Variants in STPG2 observed in about 807,000 individuals in gnomAD.
STPG2 encodes sperm tail PG-rich repeat containing 2.
In STPG2, 56 loss-of-function variants were observed where a neutral mutation model predicts 54.2. The ratio of observed to expected loss-of-function variants is 1.03; its 90% confidence interval spans 0.83 to 1.29. The LOEUF is 1.29. Among genes scored for constraint, STPG2 ranks in the 50% most tolerant of loss-of-function variants. The pLI is 0.00. For missense variants in STPG2, 596 were observed against 544.9 expected (o/e 1.09, Z -0.93); for synonymous variants, 200 against 181.8 (o/e 1.10, Z -0.81).
intron 5 of STPG2, among the ~76,000 whole-genome samples, chr4:98,058,273 A>G (rs1276395027): frequency 1.3e-5 from 2 of 152,328 alleles, no homozygotes; most frequent in East Asian, 3.9e-4. Context: ...GGCAAGCTAA[A>G]TAAAAAAGCA....
At chr4:97,642,338 AAT>A (rs1232076668) in intron 10 of STPG2, among the ~76,000 whole-genome samples, 3 of 151,520 alleles carry the variant, frequency 2.0e-5, no homozygotes, top group African/African-American at 7.2e-5. Flanking sequence ...AAAATATACT[AAT>A]ATTTTTAGTA....
chr4:97,829,895 TGTTA>T (rs1728395164), intron 9 of STPG2, among the ~76,000 whole-genome samples: 1 of 152,170 alleles, frequency 6.6e-6, no homozygotes, highest in Admixed American at 6.5e-5. Flanking sequence ...AATCTACGTT[TGTTA>T]GGTGTACCTG....
At chr4:97,842,240 C>T (rs1378978388) in intron 8 of STPG2, among the ~76,000 whole-genome samples, 1 of 151,774 alleles carries the variant, frequency 6.6e-6, no homozygotes, top group Non-Finnish European at 1.5e-5. Flanking sequence ...CCATGTTAAA[C>T]ATGAAATGTC....
chr4:98,138,296 T>C (rs1480019242), intron 1 of STPG2, among the ~76,000 whole-genome samples: 2 of 152,070 alleles, frequency 1.3e-5, no homozygotes, highest in African/African-American at 4.8e-5. Context: ...CATATGGATA[T>C]ATTGACAAGT....
At chr4:97,562,896 A>T (rs1732298913) in intron 10 of STPG2, among the ~76,000 whole-genome samples, 1 of 152,058 alleles carries the variant, frequency 6.6e-6, no homozygotes, top group Admixed American at 6.6e-5. Flanking sequence ...TATTGGTCTA[A>T]TATTCTCTTT....
chr4:97,857,019 T>C (rs1729359742), intron 8 of STPG2, among the ~76,000 whole-genome samples: 1 of 152,156 alleles, frequency 6.6e-6, no homozygotes, highest in Admixed American at 6.6e-5. Flanking sequence ...AACTTGATAG[T>C]GGTGGATGAG....
At chr4:97,527,820 T>A (rs1731316838) in intron 4 of STPG2, among the ~76,000 whole-genome samples, 1 of 152,204 alleles carries the variant, frequency 6.6e-6, no homozygotes, top group Non-Finnish European at 1.5e-5. Flanking sequence ...TCTGTTCATA[T>A]CCTTCGCCCA....
At chr4:97,557,694 G>A (rs991223232), downstream of STPG2, among the ~76,000 whole-genome samples, 1 of 152,138 alleles carries the variant, frequency 6.6e-6, no homozygotes, top group Non-Finnish European at 1.5e-5. Flanking sequence ...GAGCTACAGG[G>A]CCAAGCAAAT....
intron 6 of STPG2, among the ~76,000 whole-genome samples, chr4:97,975,857 A>G (rs1734481476): frequency 6.6e-6 from 1 of 152,178 alleles, no homozygotes; most frequent in Non-Finnish European, 1.5e-5. Flanking sequence ...ATGTAAATTG[A>G]CTATTTCACT....
chr4:97,558,898 C>T lies in STPG2; in HGVS notation c.*160G>A, dbSNP rs1465829816. On this transcript the variant is annotated 3_prime_UTR_variant, in exon 11 of 11. Coordinates refer to ENST00000295268, the MANE Select transcript of STPG2 (RefSeq NM_174952.3). ...TTTGTCTTAACAAGGTTTATTTCTC[C>T]GTGGTTGTGTCATATAGTCACTAAA... 11 of 585,880 alleles carry T rather than the reference C, an allele frequency of 1.9e-5. No individual in the cohort carries two copies. The highest frequency in any genetic ancestry group is 4.8e-5 in the South Asian group (2 of 41,598). The allele number at this position is 585,880 out of a possible 1,614,324, so 36.3% of individuals were successfully genotyped here.
intron 9 of STPG2, among the ~76,000 whole-genome samples, chr4:97,786,908 T>C (rs991923991): frequency 1.3e-5 from 2 of 152,138 alleles, no homozygotes; most frequent in Non-Finnish European, 2.9e-5. Context: ...AATTTATAAA[T>C]TAAACTATAT....
intron 8 of STPG2, among the ~76,000 whole-genome samples, chr4:97,930,027 T>C (rs1398034862): frequency 6.6e-6 from 1 of 152,216 alleles, no homozygotes; most frequent in Admixed American, 6.5e-5. Context: ...AGCCTCCCGA[T>C]ACCTGGGACT....
In STPG2 at chr4:97,560,770, A is replaced by C. The variant is rs146972919; in HGVS notation, c.1321-1653T>G. Among the ~76,000 whole-genome samples the C allele has an allele frequency of 4.1e-3, 630 of 152,322 alleles. 3 individuals carry two copies. The highest frequency in any genetic ancestry group is 0.02 in the South Asian group (98 of 4,828). On this transcript the variant is annotated intron_variant, in intron 10 of 10. Coordinates refer to ENST00000295268, the MANE Select transcript of STPG2 (RefSeq NM_174952.3). The stretch of plus-strand genomic sequence containing the variant: ...ACATAGTAAAGAAGATCAGAGACCT[A>C]TACCCAAGATGTATTCTCAGAAGGT...
chr4:97,455,279 T>G (rs763890489), intron 4 of STPG2, among the ~76,000 whole-genome samples: 6 of 152,160 alleles, frequency 3.9e-5, no homozygotes, highest in Admixed American at 6.5e-5. Flanking sequence ...CCCAGCCCTG[T>G]GTCCACAGAC....
chr4:97,924,739 T>C (rs930813649), intron 8 of STPG2, among the ~76,000 whole-genome samples: 3 of 152,218 alleles, frequency 2.0e-5, no homozygotes, highest in Non-Finnish European at 2.9e-5. Flanking sequence ...GTTTTAATGA[T>C]AATAATACCA....
chr4:98,042,604 T>C (rs977619711), intron 5 of STPG2, among the ~76,000 whole-genome samples: 19 of 151,956 alleles, frequency 1.3e-4, no homozygotes, highest in Non-Finnish European at 5.9e-5. Flanking sequence ...CTCCATGTAT[T>C]TGTAAAGTTT....
intron 10 of STPG2, among the ~76,000 whole-genome samples, chr4:97,561,610 GAATTAA>G (rs1359559938): frequency 7.2e-5 from 11 of 152,132 alleles, no homozygotes; most frequent in Admixed American, 6.5e-5. Context: ...AATCCATCTT[GAATTAA>G]TTTTTGTATA....
intron 4 of STPG2, among the ~76,000 whole-genome samples, chr4:97,481,207 T>C (rs1305923904): frequency 6.6e-6 from 1 of 151,624 alleles, no homozygotes; most frequent in Non-Finnish European, 1.5e-5. Flanking sequence ...ACAGACCATC[T>C]ACAATAGTCA....
intron 8 of STPG2, among the ~76,000 whole-genome samples, chr4:97,940,876 A>AG (rs11439250): frequency 0.4 from 60,534 of 151,742 alleles, 12,221 homozygotes; most frequent in Middle Eastern, 0.46. Flanking sequence ...TTCATTAATT[A>AG]TTTTCACTTT....
Sources: gnomAD v4.1 joint callset for allele counts (sites outside exome capture counted in the v4.1 genomes callset) on GRCh38, gnomAD v4.1.1 for gene constraint, MANE v1.5 for transcripts, NCBI Gene and HGNC (gene_info 2026-07-23, HGNC 2026-07-21) for gene names.